The following TARBP1 variants were observed in gnomAD, a reference collection of about 807,000 sequenced individuals.
The protein encoded by TARBP1 is tRNA guanosine 2 -O-methyltransferase TARBP1.
Under a neutral mutation model 178.6 loss-of-function variants are expected in TARBP1, and 144 were observed. That is an observed-to-expected ratio of 0.81 (90% CI 0.70 to 0.93). TARBP1 has a LOEUF of 0.93. TARBP1 is among the 40% of genes least tolerant of loss of function. TARBP1 has a pLI of 0.00. For missense variants in TARBP1, 2,067 were observed against 2,011.7 expected, an observed-to-expected ratio of 1.03 and a Z score of -0.53; for synonymous variants, 787 against 781.0, an observed-to-expected ratio of 1.01 and a Z score of -0.13.
intron 3 of TARBP1, among the ~76,000 whole-genome samples, chr1:234,469,045 C>T (rs575356338): frequency 9.4e-6 from 1 of 106,244 alleles, no homozygotes; most frequent in African/African-American, 3.8e-5. Flanking sequence ...GTGCGAAAGT[C>T]GTTGCGGTTT....
At chr1:234,399,275 C>T (rs1195029229) in intron 25 of TARBP1, among the ~76,000 whole-genome samples, 1 of 152,212 alleles carries the variant, frequency 6.6e-6, no homozygotes, top group Non-Finnish European at 1.5e-5. Context: ...CGAAACAATA[C>T]TCTTAGCAGC....
chr1:234,437,425 A>C (rs2273873), intron 12 of TARBP1, 53 bp from the exon 13 acceptor site: 81,755 of 854,240 alleles, frequency 0.096, 4,818 homozygotes, highest in Middle Eastern at 0.23. Context: ...CTTTGGTACA[A>C]AACACACCAG....
chr1:234,392,887 ATTTTTT>A (rs1228670495), intron 28 of TARBP1, among the ~76,000 whole-genome samples: 12 of 151,554 alleles, frequency 7.9e-5, no homozygotes, highest in Non-Finnish European at 1.8e-4. Flanking sequence ...ATTTTTTTTT[ATTTTTT>A]ATTTTTTAGT....
rs1160411119 is a variant in TARBP1, at chr1:234,472,329, CAAAAAAAAAAAAAAA to C, written c.1029+370_1029+384del. On this transcript the variant is annotated intron_variant, in intron 2 of 29. Transcript: ENST00000040877. Reference sequence around the variant, plus strand: ...GGGCGAGAGAGCAAGACTCTGTCTCCAAAAAAAAAAAAAAAAAAAAAAAAAAAACTCAAAAGTCCC... The same window carrying C: ...GGGCGAGAGAGCAAGACTCTGTCTCCAAAAAAAAAAAAACTCAAAAGTCCC... 9.1e-4 allele frequency among the ~76,000 whole-genome samples: 42 copies of C among 46,082 alleles called. No individual in the cohort carries two copies. The Admixed American group carries it at 0.011, about 12-fold the overall frequency. 30.2% of individuals were successfully genotyped at this position (46,082 alleles called of 152,430 possible).
chr1:234,420,746 G>T lies in TARBP1; in HGVS notation c.3511C>A (p.Arg1171=). 1.2e-6 allele frequency: 2 copies of T among 1,612,618 alleles called. No individual in the cohort carries two copies. Among genetic ancestry groups the T allele is most frequent in the Middle Eastern group, 1.7e-4 (1 of 6,052 alleles). The change falls in exon 21 of 30, where the codon CGA becomes AGA. Residue 1171 remains arginine (R), a synonymous_variant. Coordinates refer to ENST00000040877, the MANE Select transcript of TARBP1 (RefSeq NM_005646.4). Reference sequence around the variant, plus strand: ...AGTACCAGCAGAGTCTGCCACACTCGGTTTTTCACTCTGTGCTGTAGAGAA... The same window carrying T: ...AGTACCAGCAGAGTCTGCCACACTCTGTTTTTCACTCTGTGCTGTAGAGAA... ...VNSLQHRVKN[R]VWQTLLVLFP... is the part of the protein sequence containing the mutation.
At chr1:234,428,712 A>C (rs1413572449) in intron 17 of TARBP1, among the ~76,000 whole-genome samples, 1 of 151,966 alleles carries the variant, frequency 6.6e-6, no homozygotes, top group Non-Finnish European at 1.5e-5. Flanking sequence ...CACCTGGCTA[A>C]TTTTTGTATT....
At chr1:234,443,256 C>T (rs1665778894) in intron 12 of TARBP1, among the ~76,000 whole-genome samples, 1 of 149,166 alleles carries the variant, frequency 6.7e-6, no homozygotes, top group Non-Finnish European at 1.5e-5. Context: ...CACCATTGCA[C>T]TCCAGCCTGG....
At chr1:234,429,907 A>C (rs1664237837) in intron 15 of TARBP1, among the ~76,000 whole-genome samples, 180 bp downstream of exon 15, 1 of 152,210 alleles carries the variant, frequency 6.6e-6, no homozygotes, top group Non-Finnish European at 1.5e-5. Flanking sequence ...TTCAGTGAAA[A>C]CTAGATGCAG....
chr1:234,414,287 TAG>T (rs1662175908), intron 22 of TARBP1, among the ~76,000 whole-genome samples: 1 of 152,186 alleles, frequency 6.6e-6, no homozygotes, highest in African/African-American at 2.4e-5. Flanking sequence ...ACTCCTGATC[TAG>T]AGTCAGGGGA....
At chr1:234,465,090 G>A (rs1408715030) in intron 5 of TARBP1, among the ~76,000 whole-genome samples, 2 of 152,058 alleles carry the variant, frequency 1.3e-5, no homozygotes, top group Non-Finnish European at 1.5e-5. Context: ...ATGGATGGAT[G>A]GATGGATGGA....
intron 1 of TARBP1, among the ~76,000 whole-genome samples, chr1:234,474,781 G>A (rs946040741): frequency 6.6e-6 from 1 of 152,146 alleles, no homozygotes; most frequent in Admixed American, 6.5e-5. Flanking sequence ...GATATGTATC[G>A]TTTCAGTTGC....
intron 25 of TARBP1, among the ~76,000 whole-genome samples, chr1:234,398,814 G>T (rs771378815): frequency 2.0e-4 from 31 of 152,280 alleles, no homozygotes; most frequent in Middle Eastern, 3.4e-3. Context: ...TAATAAACCA[G>T]TATGTGCCTA....
In TARBP1 at chr1:234,471,111, CA is replaced by C. The variant is rs1219700244; in HGVS notation, c.1099+76del. On this transcript the variant is annotated intron_variant, in intron 3 of 29. Transcript: ENST00000040877. ...TTTTATAGTTTTTCAAAATTCTCTA[CA>C]ATGAACAGGAATTAGTTACAAAATC... 14 of 1,101,100 alleles carry C rather than the reference CA, an allele frequency of 1.3e-5. No individual in the cohort carries two copies. The East Asian group carries it at 3.6e-4, about 29-fold the overall frequency. The allele number at this position is 1,101,100 out of a possible 1,614,324, so 68.2% of individuals were successfully genotyped here. A position where few individuals can be genotyped will look rare whatever the true frequency, so the allele number is the denominator to read the frequency against.
At chr1:234,471,779 A>G (rs1669082609) in intron 2 of TARBP1, among the ~76,000 whole-genome samples, 1 of 152,262 alleles carries the variant, frequency 6.6e-6, no homozygotes, top group Non-Finnish European at 1.5e-5. Context: ...GGATCTACTG[A>G]TTAAAGAAAA....
At position 234,397,112 on chromosome 1, in the gene TARBP1, T is replaced by C. The variant is rs757113148; in HGVS notation, c.4243+1270A>G. ...GGCTAAAATGTGAGTGACAGACTGA[T>C]AGGAAGATAGCCTACAGTCATTAAG... On this transcript the variant is annotated intron_variant, in intron 26 of 29. Coordinates refer to ENST00000040877, the MANE Select transcript of TARBP1 (RefSeq NM_005646.4). Among the ~76,000 whole-genome samples the C allele has an allele frequency of 4.9e-4, 70 of 143,584 alleles. 1 individual carries two copies. Among genetic ancestry groups the C allele is most frequent in the African/African-American group, 1.5e-3 (57 of 37,946 alleles). The allele number at this position is 143,584 out of a possible 152,430, so 94.2% of individuals were successfully genotyped here.
intron 21 of TARBP1, among the ~76,000 whole-genome samples, chr1:234,419,644 G>GA (rs1350371560): frequency 1.3e-5 from 2 of 151,666 alleles, no homozygotes; most frequent in Admixed American, 6.6e-5. Flanking sequence ...TCCATTCTAA[G>GA]AAAAAAATGC....
At chr1:234,433,289 T>C (rs1664664116) in intron 14 of TARBP1, 121 bp downstream of exon 14, 1 of 1,095,200 alleles carries the variant, frequency 9.1e-7, no homozygotes, top group Non-Finnish European at 1.3e-6. Context: ...AGAGGGTATA[T>C]TTTAAAACTG....
At chr1:234,443,246 C>T (rs935703036) in intron 12 of TARBP1, among the ~76,000 whole-genome samples, 1 of 148,892 alleles carries the variant, frequency 6.7e-6, no homozygotes, top group African/African-American at 2.5e-5. Flanking sequence ...GCCAAGATCG[C>T]ACCATTGCAC....
chr1:234,466,873 A>C (rs1459933551), intron 4 of TARBP1, among the ~76,000 whole-genome samples: 1 of 152,282 alleles, frequency 6.6e-6, no homozygotes, highest in Non-Finnish European at 1.5e-5. Flanking sequence ...CGAAAAAAAA[A>C]CAGCTATTGA....
Sources: allele counts gnomAD v4.1 joint callset (sites outside exome capture counted in the v4.1 genomes callset), GRCh38; gene constraint gnomAD v4.1.1; transcripts MANE v1.5; gene names NCBI Gene and HGNC (gene_info 2026-07-23, HGNC 2026-07-21).